The following DISC1 variants were observed in gnomAD, a reference collection of about 807,000 sequenced individuals.
The protein encoded by DISC1 is disrupted in schizophrenia 1 protein.
A neutral mutation model predicts 84.5 loss-of-function variants in DISC1; 57 were observed. That is an observed-to-expected ratio of 0.67 (90% CI 0.55 to 0.84). The LOEUF is 0.84. DISC1 is among the 40% of genes least tolerant of loss of function. The pLI, the probability that DISC1 is intolerant of heterozygous loss-of-function variation, is 0.00. For synonymous variants in DISC1, 411 were observed against 415.2 expected, an observed-to-expected ratio of 0.99 and a Z score of 0.12; for missense variants, 1,000 against 1,057.8, an observed-to-expected ratio of 0.95 and a Z score of 0.76.
chr1:232,034,731 G>A (rs2103068233), intron 12 of DISC1, among the ~76,000 whole-genome samples: 1 of 152,268 alleles, frequency 6.6e-6, no homozygotes, highest in South Asian at 2.1e-4. Context: ...TTCATAAACT[G>A]CTTAAGCTCC....
intron 3 of DISC1, among the ~76,000 whole-genome samples, chr1:231,715,056 C>T (rs1011913703): frequency 1.3e-5 from 2 of 152,298 alleles, no homozygotes; most frequent in South Asian, 2.1e-4. Context: ...GAGACTTCCC[C>T]TCTTGGATCC....
intron 4 of DISC1, among the ~76,000 whole-genome samples, chr1:231,757,636 G>A (rs768222118): frequency 8.5e-5 from 13 of 152,048 alleles, no homozygotes; most frequent in Non-Finnish European, 1.9e-4. Flanking sequence ...GGGGTCCTCT[G>A]GCCCAGTGGA....
intron 9 of DISC1, among the ~76,000 whole-genome samples, chr1:231,908,568 T>A (rs558468583): frequency 1.8e-4 from 28 of 151,590 alleles, no homozygotes; most frequent in Non-Finnish European, 2.8e-4. Context: ...ATGCTGTTAC[T>A]GTAGCCTTGT....
intron 9 of DISC1, among the ~76,000 whole-genome samples, chr1:231,912,811 C>G (rs553774658): frequency 3.4e-5 from 5 of 147,036 alleles, no homozygotes; most frequent in African/African-American, 1.3e-4. Flanking sequence ...CTTTCTTTTT[C>G]TTTCCTTGCT....
intron 4 of DISC1, among the ~76,000 whole-genome samples, chr1:231,756,344 C>G (rs545462174): frequency 6.6e-6 from 1 of 152,112 alleles, no homozygotes; most frequent in African/African-American, 2.4e-5. Context: ...TCTGTTTACT[C>G]TGACAGATGA....
At chr1:231,909,135 C>T (rs1251162813) in intron 9 of DISC1, among the ~76,000 whole-genome samples, 3 of 152,144 alleles carry the variant, frequency 2.0e-5, no homozygotes, top group African/African-American at 7.2e-5. Context: ...ATTTGACTTC[C>T]TCTTTTCCTA....
At chr1:231,910,534 G>T (rs2089111588) in intron 9 of DISC1, among the ~76,000 whole-genome samples, 2 of 152,212 alleles carry the variant, frequency 1.3e-5, no homozygotes, top group South Asian at 4.1e-4. Flanking sequence ...ACTGTGGTCT[G>T]AGAGACAGTT....
intron 10 of DISC1, among the ~76,000 whole-genome samples, chr1:231,990,499 G>A (rs1419132488): frequency 6.6e-6 from 1 of 152,102 alleles, no homozygotes; most frequent in Admixed American, 6.6e-5. Flanking sequence ...ATATGTGATT[G>A]TTGGCACTGC....
At chr1:231,762,223 CT>C (rs1558498321) in intron 4 of DISC1, among the ~76,000 whole-genome samples, 10,334 of 62,586 alleles carry the variant, frequency 0.17, 615 homozygotes, top group East Asian at 0.46. Context: ...CTCTTCTTTT[CT>C]TTTCTTTTCT....
intron 10 of DISC1, among the ~76,000 whole-genome samples, chr1:231,973,905 A>G (rs1048702428): frequency 6.6e-6 from 1 of 152,218 alleles, no homozygotes; most frequent in African/African-American, 2.4e-5. Context: ...TTGGCAGGCA[A>G]GTTATGATAC....
At chr1:232,014,256 G>A (rs192631183) in intron 11 of DISC1, among the ~76,000 whole-genome samples, 1 of 152,168 alleles carries the variant, frequency 6.6e-6, no homozygotes, top group East Asian at 1.9e-4. Flanking sequence ...ACTGGCCCTG[G>A]GACAGCTGGA....
intron 8 of DISC1, among the ~76,000 whole-genome samples, chr1:231,803,537 G>T (rs574268791): frequency 3.3e-5 from 5 of 152,244 alleles, no homozygotes; most frequent in African/African-American, 1.2e-4. Flanking sequence ...ACTCATGCAT[G>T]TGTTGTTAAC....
chr1:231,723,225 C>T (rs1303767322), intron 3 of DISC1: 2 of 870,634 alleles, frequency 2.3e-6, no homozygotes, highest in Admixed American at 7.3e-5. Flanking sequence ...ATCTGGAACC[C>T]CTGATACAGA....
At chr1:231,829,777 A>G (rs2082101817) in intron 9 of DISC1, among the ~76,000 whole-genome samples, 1 of 151,640 alleles carries the variant, frequency 6.6e-6, no homozygotes, top group Non-Finnish European at 1.5e-5. Context: ...AGAGTCAGCG[A>G]AGGGAGATAG....
intron 3 of DISC1, among the ~76,000 whole-genome samples, chr1:231,732,823 T>C (rs1001461834): frequency 1.3e-5 from 2 of 152,200 alleles, no homozygotes; most frequent in Non-Finnish European, 2.9e-5. Flanking sequence ...GTGGTGATAG[T>C]GGTTGGAGTG....
rs555445325 is a variant in DISC1, at chr1:231,747,225, C to G, written c.1118-2701C>G. On this transcript the variant is annotated intron_variant, in intron 3 of 12. Transcript: ENST00000439617. ...GGATTACAGGTGTGAGCCATTGGGC[C>G]TGGCCTTGTTGATTGTTTTCTTTGC... Among the ~76,000 whole-genome samples, 4 of 152,288 alleles carry G rather than the reference C, an allele frequency of 2.6e-5. No homozygotes were observed. In the South Asian group the frequency reaches 6.2e-4, roughly 24 times the overall value.
At chr1:231,720,885 G>A in intron 3 of DISC1, 2 of 1,290,896 alleles carry the variant, frequency 1.5e-6, no homozygotes, top group Non-Finnish European at 1.0e-6. Flanking sequence ...ATCTCACTTT[G>A]CATACCTAGT....
At chr1:231,996,765 C>G (rs1024419199) in intron 10 of DISC1, among the ~76,000 whole-genome samples, 1 of 152,186 alleles carries the variant, frequency 6.6e-6, no homozygotes, top group African/African-American at 2.4e-5. Flanking sequence ...CCCCATTTTA[C>G]TTCCAACTGG....
chr1:232,013,131 C>T (rs1008124476), intron 11 of DISC1, among the ~76,000 whole-genome samples: 4 of 152,250 alleles, frequency 2.6e-5, no homozygotes, highest in Admixed American at 1.3e-4. Flanking sequence ...ATAATACCTG[C>T]GTAATTTTTT....
Sources: gnomAD v4.1 joint callset for allele counts (sites outside exome capture counted in the v4.1 genomes callset) on GRCh38, gnomAD v4.1.1 for gene constraint, MANE v1.5 for transcripts, NCBI Gene and HGNC (gene_info 2026-07-23, HGNC 2026-07-21) for gene names.